Variants in SMYD3 observed in about 807,000 individuals in gnomAD.
SMYD3 encodes the protein histone-lysine N-methyltransferase SMYD3.
In SMYD3, 36 loss-of-function variants were observed where a neutral mutation model predicts 57.7. The ratio of observed to expected loss-of-function variants is 0.62; its 90% confidence interval spans 0.48 to 0.82. SMYD3 has a LOEUF of 0.82. Ranked by LOEUF, SMYD3 falls within the 40% of genes least tolerant of loss-of-function variation. SMYD3 has a pLI of 0.00. For synonymous variants in SMYD3, 211 were observed against 195.0 expected (o/e 1.08, Z -0.68); for missense variants, 515 against 538.8 (o/e 0.96, Z 0.44).
intron 5 of SMYD3, among the ~76,000 whole-genome samples, chr1:246,173,441 T>C (rs958858975): frequency 6.6e-6 from 1 of 152,258 alleles, no homozygotes; most frequent in Non-Finnish European, 1.5e-5. Flanking sequence ...CTGTAACTTT[T>C]TACTTTATAA....
chr1:245,934,266 T>C (rs1473808374), intron 5 of SMYD3, among the ~76,000 whole-genome samples: 1 of 152,192 alleles, frequency 6.6e-6, no homozygotes, highest in Non-Finnish European at 1.5e-5. Flanking sequence ...GAGGAAGAGT[T>C]GGCAGGTACG....
Position 246,147,607 on chromosome 1 carries a change from C to T in SMYD3, c.531+179594G>A, listed in dbSNP as rs573654701. Among the ~76,000 whole-genome samples the T allele has an allele frequency of 5.3e-5, 8 of 152,030 alleles. No individual in the cohort carries two copies. In the East Asian group the frequency reaches 1.6e-3, roughly 30 times the overall value. On this transcript the variant is annotated intron_variant, in intron 5 of 11. Transcript: ENST00000490107. The stretch of plus-strand genomic sequence containing the variant: ...AAATCGTGGCTGCAGACCAGGCTTC[C>T]TGCTCTATGGAGCAGGCAGGCGCCC...
At chr1:246,057,611 G>A (rs151292303) in intron 5 of SMYD3, among the ~76,000 whole-genome samples, 9 of 152,340 alleles carry the variant, frequency 5.9e-5, no homozygotes, top group East Asian at 1.9e-4. Flanking sequence ...CCAAATGCTG[G>A]CAAGGATGTG....
rs2063340400 is a variant in SMYD3 at position 246,227,038 on chromosome 1, TTGAC to T, written c.531+100159_531+100162del. On this transcript the variant is annotated intron_variant, in intron 5 of 11. Transcript: ENST00000490107. ...AATCTTTAATAAATGCTTGTGATTT[TTGAC>T]ATATTAAATTCTAAACCTCAACATT... Among the ~76,000 whole-genome samples, 7 of 152,336 alleles carry T rather than the reference TTGAC, an allele frequency of 4.6e-5. No individual in the cohort carries two copies. In the South Asian group the frequency reaches 1.0e-3, roughly 23 times the overall value.
At chr1:246,340,357 C>T (rs565672328) in intron 2 of SMYD3, among the ~76,000 whole-genome samples, 7 of 151,694 alleles carry the variant, frequency 4.6e-5, no homozygotes, top group Non-Finnish European at 5.9e-5. Context: ...TGTTAAATGT[C>T]TCCAATATAC....
chr1:246,028,048 C>T (rs922010747), intron 5 of SMYD3, among the ~76,000 whole-genome samples: 2 of 152,048 alleles, frequency 1.3e-5, no homozygotes, highest in Non-Finnish European at 2.9e-5. Context: ...AAATGAAAAA[C>T]AAGGCATTAC....
chr1:245,901,714 T>A (rs1170543541), intron 8 of SMYD3, among the ~76,000 whole-genome samples: 3 of 151,976 alleles, frequency 2.0e-5, no homozygotes, highest in South Asian at 2.1e-4. Flanking sequence ...GAGGGAACAA[T>A]GGAATTCAGC....
At chr1:246,120,626 T>G (rs776844022) in intron 5 of SMYD3, among the ~76,000 whole-genome samples, 1 of 152,204 alleles carries the variant, frequency 6.6e-6, no homozygotes, top group Non-Finnish European at 1.5e-5. Flanking sequence ...GTTCTGTATC[T>G]TCAGCACTTG....
At chr1:246,399,971 C>T (rs2066741061) in intron 1 of SMYD3, among the ~76,000 whole-genome samples, 1 of 152,088 alleles carries the variant, frequency 6.6e-6, no homozygotes, top group South Asian at 2.1e-4. Flanking sequence ...ATTAGCAAGC[C>T]ATTAAACAAG....
chr1:245,906,809 C>T (rs1163403325), intron 8 of SMYD3, among the ~76,000 whole-genome samples: 1 of 151,974 alleles, frequency 6.6e-6, no homozygotes, highest in Non-Finnish European at 1.5e-5. Flanking sequence ...TACTATTCAG[C>T]CAGAAAAAAA....
At chr1:245,844,902 A>G (rs2148431984) in intron 10 of SMYD3, among the ~76,000 whole-genome samples, 1 of 152,262 alleles carries the variant, frequency 6.6e-6, no homozygotes, top group South Asian at 2.1e-4. Flanking sequence ...AGTTATATTA[A>G]GAAAGAATGC....
intron 5 of SMYD3, among the ~76,000 whole-genome samples, chr1:246,257,249 G>A (rs1028607751): frequency 6.6e-6 from 1 of 152,162 alleles, no homozygotes; most frequent in Non-Finnish European, 1.5e-5. Context: ...AATAGTGACA[G>A]TGGGGTGTTG....
chr1:245,847,865 A>G (rs1221228347), intron 10 of SMYD3, among the ~76,000 whole-genome samples: 1 of 152,216 alleles, frequency 6.6e-6, no homozygotes, highest in Non-Finnish European at 1.5e-5. Context: ...ATGCTTTCAC[A>G]ACATAGGAAG....
At chr1:246,345,172 C>T (rs925447548) in intron 2 of SMYD3, among the ~76,000 whole-genome samples, 2 of 152,056 alleles carry the variant, frequency 1.3e-5, no homozygotes, top group African/African-American at 2.4e-5. Context: ...AGAGTTTCTC[C>T]TATGTTTTCT....
intron 1 of SMYD3, among the ~76,000 whole-genome samples, chr1:246,503,276 C>A (rs2068484579): frequency 6.6e-6 from 1 of 152,192 alleles, no homozygotes; most frequent in Non-Finnish European, 1.5e-5. Context: ...AAGCCTCATT[C>A]TCAGCCTTAA....
chr1:246,503,672 G>C (rs2068491501), intron 1 of SMYD3, among the ~76,000 whole-genome samples: 1 of 152,164 alleles, frequency 6.6e-6, no homozygotes, highest in African/African-American at 2.4e-5. Context: ...GACAATATAA[G>C]TGATTTCAGG....
At chr1:246,236,334 A>C (rs1380398128) in intron 5 of SMYD3, among the ~76,000 whole-genome samples, 3 of 152,120 alleles carry the variant, frequency 2.0e-5, no homozygotes, top group African/African-American at 7.2e-5. Context: ...GGGCTCAGGC[A>C]ATCCTCCCGC....
intron 1 of SMYD3, among the ~76,000 whole-genome samples, chr1:246,454,451 T>A (rs755062525): frequency 6.6e-6 from 1 of 152,148 alleles, no homozygotes; most frequent in African/African-American, 2.4e-5. Context: ...AATGGGAGAA[T>A]TTCTCTCTGA....
intron 5 of SMYD3, among the ~76,000 whole-genome samples, chr1:246,094,389 A>C (rs1350200618): frequency 6.6e-6 from 1 of 152,186 alleles, no homozygotes; most frequent in Non-Finnish European, 1.5e-5. Context: ...TGATAGGTTA[A>C]GTAACTTTCT....
Sources: allele counts gnomAD v4.1 joint callset (sites outside exome capture counted in the v4.1 genomes callset), GRCh38; gene constraint gnomAD v4.1.1; transcripts MANE v1.5; gene names NCBI Gene and HGNC (gene_info 2026-07-23, HGNC 2026-07-21).